Variants in PUM2 observed in about 807,000 individuals in gnomAD.
PUM2 encodes pumilio RNA binding family member 2.
In PUM2, 57 loss-of-function variants were observed where a neutral mutation model predicts 124.5. The observed-to-expected ratio is 0.46, with a 90% CI of 0.37 to 0.57. The LOEUF is 0.57. PUM2 is among the 20% of genes least tolerant of loss of function. PUM2 has a pLI of 0.00. For missense variants in PUM2, 1,065 were observed against 1,290.6 expected, an observed-to-expected ratio of 0.83 and a Z score of 2.68; for synonymous variants, 460 against 446.1, an observed-to-expected ratio of 1.03 and a Z score of -0.39.
chr2:20,304,138 G>A (rs1178416549), intron 7 of PUM2, among the ~76,000 whole-genome samples: 1 of 152,090 alleles, frequency 6.6e-6, no homozygotes, highest in Non-Finnish European at 1.5e-5. Context: ...AGTAGCTGGG[G>A]GAGCTCTTAC....
In PUM2 at chr2:20,253,980, G is replaced by C. The variant is rs200316147; in HGVS notation, c.2905C>G (p.Arg969Gly). ...TCAATCAGTAAAGCTCTCTCAGCAC[G>C]GGAGGCATGAGTAACACACTTTTCT... ...VVEKCVTHAS[R>G]AERALLIDEV... Residue 969 changes from arginine (R) to glycine (G), a missense_variant, in exon 20 of 21, where the codon CGT (arginine) becomes GGT (glycine). Physicochemically the swap from Arg to Gly is moderately radical, Grantham distance 125. This residue lies in a region of PUM2 where 968 missense variants were observed against 1,159.8 expected (regional missense o/e 0.83). Transcript: ENST00000361078. The C allele has an allele frequency of 2.0e-5, 32 of 1,613,656 alleles. No individual in the cohort carries two copies. The highest frequency in any genetic ancestry group is 5.0e-5 in the Admixed American group (3 of 59,924).
intron 2 of PUM2, among the ~76,000 whole-genome samples, chr2:20,320,018 A>G (rs2148740496): frequency 6.6e-6 from 1 of 152,356 alleles, no homozygotes; most frequent in South Asian, 2.1e-4. Flanking sequence ...CTGTAATCCC[A>G]GCACTTTGGG....
intron 2 of PUM2, among the ~76,000 whole-genome samples, chr2:20,325,863 C>T (rs11096657): frequency 0.12 from 17,533 of 152,174 alleles, 1,314 homozygotes; most frequent in South Asian, 0.19. Context: ...CCTTGTGATC[C>T]GCCCACCTTG....
chr2:20,321,140 A>G (rs1682241338), intron 2 of PUM2, among the ~76,000 whole-genome samples: 1 of 152,158 alleles, frequency 6.6e-6, no homozygotes. Context: ...AAAATGCTTT[A>G]AAATGCAAAT....
At chr2:20,331,950 C>A (rs1685013455) in intron 1 of PUM2, 2 of 152,146 alleles carry the variant, frequency 1.3e-5, no homozygotes, top group Admixed American at 1.3e-4. Flanking sequence ...ATAGACAATA[C>A]CAAAATGAAT....
At chr2:20,318,683 A>G in intron 2 of PUM2, 38 bp from the exon 3 acceptor site, 1 of 1,378,972 alleles carries the variant, frequency 7.3e-7, no homozygotes, top group Non-Finnish European at 1.0e-6. Flanking sequence ...TTTTATTCTA[A>G]TTACAAAGAA....
intron 16 of PUM2, among the ~76,000 whole-genome samples, chr2:20,256,719 G>T (rs187448384): frequency 7.2e-5 from 11 of 152,014 alleles, no homozygotes; most frequent in Non-Finnish European, 1.6e-4. Flanking sequence ...TTAATGTCAG[G>T]TATCTTTGTT....
At chr2:20,325,511 A>G (rs927110178) in intron 2 of PUM2, among the ~76,000 whole-genome samples, 2 of 152,228 alleles carry the variant, frequency 1.3e-5, no homozygotes, top group Non-Finnish European at 2.9e-5. Context: ...TAAAATTATT[A>G]AATATTATTT....
At chr2:20,253,202 T>C (rs1354715479) in intron 20 of PUM2, among the ~76,000 whole-genome samples, 2 of 152,154 alleles carry the variant, frequency 1.3e-5, no homozygotes, top group Non-Finnish European at 2.9e-5. Context: ...AGAATTTCTT[T>C]TGAATGACTG....
intron 7 of PUM2, among the ~76,000 whole-genome samples, chr2:20,298,439 A>G (rs1286486491): frequency 1.3e-5 from 2 of 152,220 alleles, no homozygotes; most frequent in Non-Finnish European, 2.9e-5. Context: ...AAAGGCTGAA[A>G]AAGACCTAAA....
chr2:20,273,506 TAATA>T (rs754009461), intron 13 of PUM2, among the ~76,000 whole-genome samples: 8 of 152,194 alleles, frequency 5.3e-5, no homozygotes, highest in Non-Finnish European at 8.8e-5. Context: ...TATTAAAGGA[TAATA>T]AATAAAAAAT....
At chr2:20,349,526 T>A (rs915001115) in intron 1 of PUM2, among the ~76,000 whole-genome samples, 4 of 152,084 alleles carry the variant, frequency 2.6e-5, no homozygotes, top group Admixed American at 2.6e-4. Flanking sequence ...TTGTTTTTTT[T>A]TTTTTATTTA....
At chr2:20,260,511 A>T in intron 14 of PUM2, 45 bp from the exon 15 acceptor site, 3 of 1,507,410 alleles carry the variant, frequency 2.0e-6, no homozygotes, top group Non-Finnish European at 2.7e-6. Context: ...TTTTTAATAC[A>T]CTTGAGTATT....
intron 13 of PUM2, among the ~76,000 whole-genome samples, chr2:20,276,753 T>C (rs1295121987): frequency 6.6e-6 from 1 of 152,070 alleles, no homozygotes; most frequent in Non-Finnish European, 1.5e-5. Context: ...TTGTTAACAA[T>C]GTTGCCAGTC....
At position 20,256,453 on chromosome 2, in the gene PUM2, C is replaced by T. The variant is rs540867799; in HGVS notation, c.2485-283G>A. On this transcript the variant is annotated intron_variant, in intron 16 of 20. Coordinates refer to ENST00000361078, the MANE Select transcript of PUM2 (RefSeq NM_015317.5). ...ATGTAAATGATGTATGTTGAAACAACGTAGTGATGCTGAACTTGCTGTATT... is the reference window on the plus strand; with the variant it reads ...ATGTAAATGATGTATGTTGAAACAATGTAGTGATGCTGAACTTGCTGTATT... Among the ~76,000 whole-genome samples the T allele has an allele frequency of 2.0e-5, 3 of 152,246 alleles. 1 individual carries two copies. Among genetic ancestry groups the T allele is most frequent in the South Asian group, 4.1e-4 (2 of 4,828 alleles).
intron 20 of PUM2, among the ~76,000 whole-genome samples, chr2:20,253,032 T>A (rs982293497): frequency 7.9e-5 from 12 of 152,336 alleles, no homozygotes; most frequent in Non-Finnish European, 1.8e-4. Context: ...CGCTATTTTA[T>A]ATAAGGGACT....
At position 20,256,097 on chromosome 2, in the gene PUM2, TG is replaced by T; in HGVS notation, c.2557del (p.Gln853LysfsTer35). On this transcript the variant is annotated frameshift_variant, in exon 17 of 21. Coordinates refer to ENST00000361078, the MANE Select transcript of PUM2 (RefSeq NM_015317.5). LOFTEE classifies it high-confidence loss of function. ...TGGCTGAACACATTCGATACATTTTTGTACAACATGGTTTCCATTCTGATCT... is the reference window on the plus strand; with the variant it reads ...TGGCTGAACACATTCGATACATTTTTTACAACATGGTTTCCATTCTGATCT... ...VKDQNGNHVV[Q>X]KCIECVQPQS... 1 of 1,603,138 alleles carries T rather than the reference TG, an allele frequency of 6.2e-7. No individual in the cohort carries two copies. The highest frequency in any genetic ancestry group is 8.5e-7 in the Non-Finnish European group (1 of 1,176,382).
chr2:20,250,104 T>C lies in PUM2; in HGVS notation c.*1481A>G, dbSNP rs527488630. 2.6e-5 allele frequency: 4 copies of C among 152,740 alleles called. No homozygotes were observed. Among genetic ancestry groups the C allele is most frequent in the South Asian group, 4.1e-4 (2 of 4,826 alleles). The allele number at this position is 152,740 out of a possible 1,614,324, so 9.5% of individuals were successfully genotyped here. A position where few individuals can be genotyped will look rare whatever the true frequency, so the allele number is the denominator to read the frequency against. ...CACATTTAATAAGATGAAAAAAGCATTGGCCTCCATGGTAACCAAATATCT... is the reference window on the plus strand; with the variant it reads ...CACATTTAATAAGATGAAAAAAGCACTGGCCTCCATGGTAACCAAATATCT... On this transcript the variant is annotated 3_prime_UTR_variant, in exon 21 of 21. Transcript: ENST00000361078.
intron 12 of PUM2, 27 bp downstream of exon 12, chr2:20,282,920 G>T: frequency 6.2e-7 from 1 of 1,604,990 alleles, no homozygotes; most frequent in Non-Finnish European, 8.5e-7. Context: ...ACTTAGCAGA[G>T]TACACTCATC....
Sources: gnomAD v4.1 joint callset for allele counts (sites outside exome capture counted in the v4.1 genomes callset) on GRCh38, gnomAD v4.1.1 for gene constraint, gnomAD v4.1.1 regional missense constraint, MANE v1.5 for transcripts, NCBI Gene and HGNC (gene_info 2026-07-23, HGNC 2026-07-21) for gene names.